The following KCNH8 variants were observed in gnomAD, a reference collection of about 807,000 sequenced individuals.
The protein encoded by KCNH8 is voltage-gated delayed rectifier potassium channel KCNH8.
KCNH8 carries 70 observed loss-of-function variants against 103.6 expected under a neutral mutation model. The ratio of observed to expected loss-of-function variants is 0.68; its 90% CI spans 0.56 to 0.82. KCNH8 has a LOEUF of 0.82. KCNH8 is among the 40% of genes least tolerant of loss of function. The pLI is 0.00. For synonymous variants in KCNH8, 498 were observed against 489.4 expected (o/e 1.02, Z -0.23); for missense variants, 1,217 against 1,329.9 (o/e 0.92, Z 1.32).
At chr3:19,327,532 T>C (rs1364872146) in intron 3 of KCNH8, among the ~76,000 whole-genome samples, 10 of 152,150 alleles carry the variant, frequency 6.6e-5, no homozygotes, top group Non-Finnish European at 1.5e-4. Flanking sequence ...TCAAGCAGTC[T>C]GCCAGTCTCA....
chr3:19,204,875 A>T (rs1346142476), intron 1 of KCNH8, among the ~76,000 whole-genome samples: 1 of 152,070 alleles, frequency 6.6e-6, no homozygotes, highest in African/African-American at 2.4e-5. Context: ...CTTCATTCAG[A>T]TGCTCTCAGA....
At chr3:19,348,536 A>G (rs1250795683) in intron 5 of KCNH8, among the ~76,000 whole-genome samples, 2 of 152,078 alleles carry the variant, frequency 1.3e-5, no homozygotes. Context: ...TGTGTACCTC[A>G]GTTGAAGCTG....
At chr3:19,253,311 A>G (rs1165210017) in intron 1 of KCNH8, among the ~76,000 whole-genome samples, 2 of 151,982 alleles carry the variant, frequency 1.3e-5, no homozygotes, top group Non-Finnish European at 2.9e-5. Context: ...TTTCAAATTC[A>G]CCTATACATT....
In KCNH8 at chr3:19,524,634, G is replaced by C. The variant is rs188748160; in HGVS notation, c.2619+6560G>C. On this transcript the variant is annotated intron_variant, in intron 15 of 15. Coordinates refer to ENST00000328405, the MANE Select transcript of KCNH8 (RefSeq NM_144633.3). ...CATTCAGAAAGCTTCTCCTGTGAGGGGTGGATTTAAAATGCATGTAACTTT... is the reference window on the plus strand; with the variant it reads ...CATTCAGAAAGCTTCTCCTGTGAGGCGTGGATTTAAAATGCATGTAACTTT... Among the ~76,000 whole-genome samples the C allele has an allele frequency of 4.2e-3, 640 of 151,930 alleles. 5 individuals are homozygous for C. The highest frequency in any genetic ancestry group is 0.017 in the Middle Eastern group (5 of 292).
chr3:19,331,438 T>G (rs2125310372), intron 3 of KCNH8, among the ~76,000 whole-genome samples: 1 of 151,882 alleles, frequency 6.6e-6, no homozygotes, highest in Non-Finnish European at 1.5e-5. Context: ...CCTACAGGTG[T>G]GTGTCACCAC....
chr3:19,195,368 C>T (rs1214586995), intron 1 of KCNH8, among the ~76,000 whole-genome samples: 1 of 151,752 alleles, frequency 6.6e-6, no homozygotes, highest in African/African-American at 2.4e-5. Context: ...ACTTCTTGGC[C>T]CTGGTATCAT....
chr3:19,254,034 G>A (rs781208703), intron 2 of KCNH8, 147 bp downstream of exon 2: 30 of 623,360 alleles, frequency 4.8e-5, no homozygotes, highest in Non-Finnish European at 7.9e-5. Context: ...TGACTTGGAT[G>A]ATAGCCTTGT....
At chr3:19,456,717 G>T (rs774419667) in intron 10 of KCNH8, 51 bp from the exon 11 acceptor site, 8 of 1,274,808 alleles carry the variant, frequency 6.3e-6, no homozygotes, top group Non-Finnish European at 9.1e-6. Context: ...GAGGTTATCA[G>T]TCCTAAGCTT....
At chr3:19,354,798 T>C (rs2065855885) in intron 5 of KCNH8, among the ~76,000 whole-genome samples, 1 of 152,160 alleles carries the variant, frequency 6.6e-6, no homozygotes, top group South Asian at 2.1e-4. Context: ...ACCTAGGCAA[T>C]ACCATTCAGG....
At chr3:19,469,691 G>T (rs1444133386) in intron 11 of KCNH8, among the ~76,000 whole-genome samples, 2 of 152,130 alleles carry the variant, frequency 1.3e-5, no homozygotes, top group Non-Finnish European at 1.5e-5. Flanking sequence ...GGAAGAGATC[G>T]TGTTTTGATT....
chr3:19,283,663 A>C (rs1359928399), intron 3 of KCNH8, among the ~76,000 whole-genome samples: 2 of 152,052 alleles, frequency 1.3e-5, no homozygotes, highest in Non-Finnish European at 2.9e-5. Context: ...AATTAAAAAT[A>C]GCCAACAATC....
At chr3:19,493,372 T>C (rs1478976364) in intron 11 of KCNH8, among the ~76,000 whole-genome samples, 4 of 152,098 alleles carry the variant, frequency 2.6e-5, no homozygotes, top group Non-Finnish European at 5.9e-5. Flanking sequence ...TGGGAAGTGA[T>C]TGGATTATGG....
chr3:19,519,294 G>C (rs1023441013), intron 15 of KCNH8, among the ~76,000 whole-genome samples: 10 of 151,870 alleles, frequency 6.6e-5, no homozygotes, highest in African/African-American at 2.4e-4. Context: ...TAGTTGATTT[G>C]ATGACACTTT....
intron 11 of KCNH8, among the ~76,000 whole-genome samples, chr3:19,497,296 T>C (rs143683867): frequency 1.4e-4 from 21 of 152,180 alleles, no homozygotes; most frequent in Admixed American, 5.9e-4. Flanking sequence ...TCTTTGGGGT[T>C]GGTTTGCTCT....
At chr3:19,201,546 C>G (rs2063663295) in intron 1 of KCNH8, among the ~76,000 whole-genome samples, 1 of 151,898 alleles carries the variant, frequency 6.6e-6, no homozygotes, top group Admixed American at 6.6e-5. Flanking sequence ...CTTGAACATA[C>G]TTTTTTTGAC....
intron 5 of KCNH8, among the ~76,000 whole-genome samples, chr3:19,352,331 G>A (rs2065814697): frequency 6.6e-6 from 1 of 152,120 alleles, no homozygotes; most frequent in Non-Finnish European, 1.5e-5. Context: ...CAACAAGACA[G>A]AAAGTTAACA....
intron 5 of KCNH8, among the ~76,000 whole-genome samples, chr3:19,376,553 C>T (rs932440098): frequency 2.0e-5 from 3 of 152,150 alleles, no homozygotes; most frequent in Non-Finnish European, 2.9e-5. Flanking sequence ...AGAAATCACC[C>T]GTCTTCTGTG....
intron 5 of KCNH8, among the ~76,000 whole-genome samples, chr3:19,376,163 C>A (rs1346494201): frequency 6.6e-6 from 1 of 152,234 alleles, no homozygotes; most frequent in African/African-American, 2.4e-5. Context: ...TTTACCTAAG[C>A]AAGCCTGGGC....
At chr3:19,204,356 C>A (rs2125219961) in intron 1 of KCNH8, among the ~76,000 whole-genome samples, 1 of 152,022 alleles carries the variant, frequency 6.6e-6, no homozygotes, top group African/African-American at 2.4e-5. Context: ...CTGTCTACTG[C>A]TAATTGATTT....
Sources: allele counts gnomAD v4.1 joint callset (sites outside exome capture counted in the v4.1 genomes callset), GRCh38; gene constraint gnomAD v4.1.1; transcripts MANE v1.5; gene names NCBI Gene and HGNC (gene_info 2026-07-23, HGNC 2026-07-21).